Variants in CLUL1 observed in about 807,000 individuals in gnomAD.
CLUL1 encodes the protein clusterin-like protein 1.
CLUL1 carries 43 observed loss-of-function variants against 49.4 expected under a neutral mutation model. That is an observed-to-expected ratio of 0.87 (90% CI 0.68 to 1.12). The LOEUF (loss-of-function observed/expected upper bound fraction) is 1.12, where lower values mean the gene tolerates loss of function less well. Ranked by LOEUF, CLUL1 falls within the 50% of genes most tolerant of loss-of-function variation. The probability of loss-of-function intolerance (pLI) is 0.00; values close to 1 mark genes in which losing one functional copy is unlikely to be tolerated. For missense variants in CLUL1, 486 were observed against 544.4 expected, an observed-to-expected ratio of 0.89 and a Z score of 1.07; for synonymous variants, 192 against 184.9, an observed-to-expected ratio of 1.04 and a Z score of -0.31.
chr18:613,903 CA>C (rs762334571), intron 2 of CLUL1, among the ~76,000 whole-genome samples: 16 of 152,212 alleles, frequency 1.1e-4, no homozygotes, highest in East Asian at 7.7e-4. Flanking sequence ...CTTCATTTTA[CA>C]GGTCATGTCA....
At chr18:628,980 T>C (rs485373) in intron 6 of CLUL1, among the ~76,000 whole-genome samples, 17,723 of 152,126 alleles carry the variant, frequency 0.12, 1,260 homozygotes, top group East Asian at 0.37. Flanking sequence ...TCTGACTATT[T>C]TTCAATTATA....
chr18:637,149 G>C (rs2074166941), intron 7 of CLUL1, among the ~76,000 whole-genome samples: 1 of 151,950 alleles, frequency 6.6e-6, no homozygotes, highest in African/African-American at 2.4e-5. Flanking sequence ...ACCATGCCCG[G>C]CTAAATTTTT....
At chr18:608,372 C>T (rs1216419184) in intron 2 of CLUL1, among the ~76,000 whole-genome samples, 1 of 152,094 alleles carries the variant, frequency 6.6e-6, no homozygotes, top group African/African-American at 2.4e-5. Flanking sequence ...CCTAAAAACC[C>T]CCTAGGTATT....
At chr18:639,785 CAAAG>C (rs531090388) in intron 7 of CLUL1, among the ~76,000 whole-genome samples, 228 of 151,234 alleles carry the variant, frequency 1.5e-3, no homozygotes, top group African/African-American at 5.3e-3. Flanking sequence ...ACAAAAAAAA[CAAAG>C]AAAAGAAAAA....
rs1028765329 is a variant in CLUL1, at chr18:597,005, G to A, written c.-260G>A. On this transcript the variant is annotated 5_prime_UTR_variant, in exon 1 of 10. Transcript: ENST00000692774. ...CCCCGCCCACCCTGCGTCACCTGCA[G>A]GCCCGGGCCGCGGGGTTGGTTTCCA... The A allele has an allele frequency of 3.9e-5, 6 of 152,518 alleles. No individual in the cohort carries two copies. Among genetic ancestry groups the A allele is most frequent in the African/African-American group, 1.4e-4 (6 of 41,432 alleles). 9.4% of individuals were successfully genotyped at this position (152,518 alleles called of 1,614,324 possible).
At chr18:629,897 C>T (rs1174071088) in intron 6 of CLUL1, among the ~76,000 whole-genome samples, 1 of 152,100 alleles carries the variant, frequency 6.6e-6, no homozygotes, top group Non-Finnish European at 1.5e-5. Context: ...CATCACTTTT[C>T]TGGACAGGTA....
At chr18:622,517 G>A (rs556350267) in intron 4 of CLUL1, among the ~76,000 whole-genome samples, 5 of 152,278 alleles carry the variant, frequency 3.3e-5, no homozygotes, top group Admixed American at 1.3e-4. Flanking sequence ...AGTTATAAGC[G>A]TGAATCTGCC....
chr18:601,857 CA>C (rs2072840891), intron 1 of CLUL1, among the ~76,000 whole-genome samples: 1 of 151,948 alleles, frequency 6.6e-6, no homozygotes, highest in African/African-American at 2.4e-5. Flanking sequence ...TAAATGAACA[CA>C]TAAATTAGAT....
intron 5 of CLUL1, among the ~76,000 whole-genome samples, chr18:626,869 A>AAG (rs1598427069): frequency 0.01 from 2 of 196 alleles, no homozygotes; most frequent in Non-Finnish European, 0.071. Flanking sequence ...TCAAATAAGA[A>AAG]AGAAAGAAAG....
intron 1 of CLUL1, among the ~76,000 whole-genome samples, chr18:601,108 A>AT (rs1252454338): frequency 6.6e-6 from 1 of 152,204 alleles, no homozygotes; most frequent in Non-Finnish European, 1.5e-5. Context: ...AGAAGCTTTT[A>AT]TTAATTGTCT....
rs78521147 is a variant in CLUL1 at position 603,311 on chromosome 18, T to C, written c.-135-3667T>C. ...GCATTGGTTTAAAAGATCCCTCTGA[T>C]AGGAGCATGGAAGATACATTTGAGA... On this transcript the variant is annotated intron_variant, in intron 1 of 9. Coordinates refer to ENST00000692774, the MANE Select transcript of CLUL1 (RefSeq NM_001393344.1). Among the ~76,000 whole-genome samples, 1,495 of 152,060 alleles carry C rather than the reference T, an allele frequency of 9.8e-3. 24 individuals are homozygous for C. The highest frequency in any genetic ancestry group is 0.016 in the Non-Finnish European group (1,055 of 67,966).
chr18:625,156 C>T, intron 5 of CLUL1, 124 bp downstream of exon 5: 1 of 937,036 alleles, frequency 1.1e-6, no homozygotes, highest in South Asian at 1.8e-5. Flanking sequence ...CTTTTGCTTT[C>T]TAGAATCTAA....
chr18:619,911 T>C (rs1029135445), intron 4 of CLUL1, among the ~76,000 whole-genome samples: 6 of 152,120 alleles, frequency 3.9e-5, no homozygotes, highest in Non-Finnish European at 1.5e-5. Flanking sequence ...GGTTTCACCA[T>C]GCTGGCCAGG....
chr18:625,047 G>A lies in CLUL1; in HGVS notation c.423+15G>A. On this transcript the variant is annotated intron_variant, in intron 5 of 9. Coordinates refer to ENST00000692774, the MANE Select transcript of CLUL1 (RefSeq NM_001393344.1). ...TGAAAAATAAGGTAAGAGAAAAAGAGAGCTCAAGATTTCACAGTTCTTGAG... is the reference window on the plus strand; with the variant it reads ...TGAAAAATAAGGTAAGAGAAAAAGAAAGCTCAAGATTTCACAGTTCTTGAG... The A allele has an allele frequency of 6.2e-7, 1 of 1,612,936 alleles. No individual in the cohort carries two copies.
At chr18:620,269 T>G (rs1439602775) in intron 4 of CLUL1, among the ~76,000 whole-genome samples, 3 of 152,220 alleles carry the variant, frequency 2.0e-5, no homozygotes, top group African/African-American at 7.2e-5. Flanking sequence ...CCCTTGTCAC[T>G]TGGCCAATAA....
At chr18:643,757 T>C (rs895846677) in intron 8 of CLUL1, among the ~76,000 whole-genome samples, 4 of 152,234 alleles carry the variant, frequency 2.6e-5, no homozygotes, top group African/African-American at 4.8e-5. Flanking sequence ...TGTCAGGCAA[T>C]GTTCTAAGAA....
At chr18:607,771 C>T (rs1187314798) in intron 2 of CLUL1, among the ~76,000 whole-genome samples, 1 of 151,944 alleles carries the variant, frequency 6.6e-6, no homozygotes, top group East Asian at 1.9e-4. Context: ...CTATATTGCC[C>T]AGGCTGGTCT....
chr18:601,679 C>T (rs2072834943), intron 1 of CLUL1, among the ~76,000 whole-genome samples: 1 of 150,874 alleles, frequency 6.6e-6, no homozygotes, highest in Non-Finnish European at 1.5e-5. Context: ...TGTGGTGGCA[C>T]ATGCCTGTAA....
chr18:645,033 T>C lies in CLUL1; in HGVS notation c.1333T>C (p.Ser445Pro), dbSNP rs747051903. ...KIPLEESAES[S>P]NFIGYVVAKA... Reference sequence around the variant, plus strand: ...CCCTCTTGAAGAAAGTGCTGAGAGTTCTAACTTCATTGGCTACGTAGTGGC... The same window carrying C: ...CCCTCTTGAAGAAAGTGCTGAGAGTCCTAACTTCATTGGCTACGTAGTGGC... The change falls in exon 9 of 10, where the codon TCT (serine) becomes CCT (proline). Residue 445 changes from serine to proline, a missense_variant. Ser to Pro is a moderately conservative substitution (Grantham distance 74). Coordinates refer to ENST00000692774, the MANE Select transcript of CLUL1 (RefSeq NM_001393344.1). 3 of 1,612,872 alleles carry C rather than the reference T, an allele frequency of 1.9e-6. No homozygotes were observed. In the South Asian group the frequency reaches 3.3e-5, roughly 18 times the overall value.
Sources: gnomAD v4.1 joint callset for allele counts (sites outside exome capture counted in the v4.1 genomes callset) on GRCh38, gnomAD v4.1.1 for gene constraint, MANE v1.5 for transcripts, NCBI Gene and HGNC (gene_info 2026-07-23, HGNC 2026-07-21) for gene names.